Variants in ARHGAP15 observed in about 807,000 individuals in gnomAD.
The protein encoded by ARHGAP15 is Rho GTPase activating protein 15, also known as rho GTPase-activating protein 15.
Under a neutral mutation model 63.7 loss-of-function variants are expected in ARHGAP15, and 51 were observed. The ratio of observed to expected loss-of-function variants is 0.80; its 90% CI spans 0.64 to 1.01. The LOEUF (loss-of-function observed/expected upper bound fraction) is 1.01. Among genes scored for constraint, ARHGAP15 ranks in the 50% least tolerant of loss-of-function variants. ARHGAP15 has a pLI of 0.00. For missense variants in ARHGAP15, 560 were observed against 564.6 expected (o/e 0.99, Z 0.08); for synonymous variants, 191 against 193.8 (o/e 0.99, Z 0.12).
intron 6 of ARHGAP15, among the ~76,000 whole-genome samples, chr2:143,336,311 A>G (rs1684771933): frequency 2.0e-5 from 3 of 152,122 alleles, no homozygotes; most frequent in Non-Finnish European, 4.4e-5. Context: ...ATAAGGGGAG[A>G]GGCAGATGAG....
At chr2:143,475,908 T>A (rs886375360) in intron 8 of ARHGAP15, among the ~76,000 whole-genome samples, 1 of 152,226 alleles carries the variant, frequency 6.6e-6, no homozygotes, top group Non-Finnish European at 1.5e-5. Flanking sequence ...TATTTTCCTT[T>A]AAATTGCAAG....
intron 6 of ARHGAP15, among the ~76,000 whole-genome samples, chr2:143,424,698 T>C (rs1009811033): frequency 1.3e-5 from 2 of 152,156 alleles, no homozygotes; most frequent in African/African-American, 4.8e-5. Context: ...CATTATACCC[T>C]CAAGGAAAGT....
intron 11 of ARHGAP15, among the ~76,000 whole-genome samples, chr2:143,602,049 G>A (rs1697791255): frequency 6.6e-6 from 1 of 152,198 alleles, no homozygotes; most frequent in Non-Finnish European, 1.5e-5. Context: ...GCAAAAGTAT[G>A]TTATTATGAG....
In ARHGAP15 at chr2:143,346,162, A is replaced by ACACACACACACTCTCTCTCT. The variant is rs1399821631; in HGVS notation, c.475-89399_475-89380dup. Among the ~76,000 whole-genome samples, 114 of 110,800 alleles carry ACACACACACACTCTCTCTCT rather than the reference A, an allele frequency of 1.0e-3. 3 individuals carry two copies. The highest frequency in any genetic ancestry group is 1.7e-3 in the Non-Finnish European group (97 of 55,956). The allele number at this position is 110,800 out of a possible 152,430, so 72.7% of individuals were successfully genotyped here. ...ATGTCCTGTACAAATGAGCACACAC[A>ACACACACACACTCTCTCTCT]CACACACACACTCTCTCTCTCACAC... On this transcript the variant is annotated intron_variant, in intron 6 of 13. Transcript: ENST00000295095.
rs1687127165 is a variant in ARHGAP15 at position 143,383,083 on chromosome 2, CA to C, written c.475-52512del. Among the ~76,000 whole-genome samples the C allele has an allele frequency of 1.3e-5, 2 of 151,976 alleles. 1 individual carries two copies. Among genetic ancestry groups the C allele is most frequent in the South Asian group, 4.1e-4 (2 of 4,820 alleles). On this transcript the variant is annotated intron_variant, in intron 6 of 13. Coordinates refer to ENST00000295095, the MANE Select transcript of ARHGAP15 (RefSeq NM_018460.4). ...CGTGTGTCAAGGTTGCAGAGGATAC[CA>C]AAAAAGCTTATCAACCCTCAACTGT...
rs869099523 is a variant in ARHGAP15 at position 143,673,748 on chromosome 2, G to GTATATATA, written c.1139-29670_1139-29669insATATATAT. Among the ~76,000 whole-genome samples the GTATATATA allele has an allele frequency of 6.1e-3, 208 of 33,992 alleles. 3 individuals are homozygous for GTATATATA. The highest frequency in any genetic ancestry group is 0.029 in the Middle Eastern group (1 of 34). The allele number at this position is 33,992 out of a possible 152,430, so 22.3% of individuals were successfully genotyped here. Reference sequence around the variant, plus strand: ...TGTGTGTGTGTGTGTGTGTGTGTGTGTGTGTGTGTGTATATATATATATAT... The same window carrying GTATATATA: ...TGTGTGTGTGTGTGTGTGTGTGTGTGTATATATATGTGTGTGTGTATATATATATATAT... On this transcript the variant is annotated intron_variant, in intron 12 of 13. Coordinates refer to ENST00000295095, the MANE Select transcript of ARHGAP15 (RefSeq NM_018460.4).
At chr2:143,565,858 A>G (rs1007259046) in intron 11 of ARHGAP15, among the ~76,000 whole-genome samples, 1 of 152,100 alleles carries the variant, frequency 6.6e-6, no homozygotes, top group Non-Finnish European at 1.5e-5. Flanking sequence ...GCTCTTGCTA[A>G]CCCCCAGGCC....
At chr2:143,321,612 TGGA>T (rs1684028787) in intron 6 of ARHGAP15, among the ~76,000 whole-genome samples, 1 of 152,250 alleles carries the variant, frequency 6.6e-6, no homozygotes, top group African/African-American at 2.4e-5. Flanking sequence ...CTGCCAGACA[TGGA>T]GAAGGGCCTG....
chr2:143,537,204 T>A (rs1272037104), intron 10 of ARHGAP15, among the ~76,000 whole-genome samples: 1 of 152,156 alleles, frequency 6.6e-6, no homozygotes, highest in Non-Finnish European at 1.5e-5. Context: ...TCATATCCTT[T>A]GCCCACTTTT....
At chr2:143,393,242 C>T (rs190549677) in intron 6 of ARHGAP15, among the ~76,000 whole-genome samples, 1 of 152,080 alleles carries the variant, frequency 6.6e-6, no homozygotes, top group Admixed American at 6.5e-5. Flanking sequence ...ATTTTATAAT[C>T]CAGGGACTAT....
intron 2 of ARHGAP15, among the ~76,000 whole-genome samples, chr2:143,159,629 T>C (rs1690214719): frequency 6.6e-6 from 1 of 151,974 alleles, no homozygotes; most frequent in African/African-American, 2.4e-5. Context: ...GACTGTCAAC[T>C]CCATTTATAG....
intron 12 of ARHGAP15, among the ~76,000 whole-genome samples, chr2:143,628,132 A>G (rs1328161662): frequency 2.0e-5 from 3 of 152,054 alleles, no homozygotes; most frequent in Non-Finnish European, 4.4e-5. Flanking sequence ...CTCCAGCTGT[A>G]TCCATGTTGC....
At chr2:143,718,391 A>G (rs1255519636) in intron 13 of ARHGAP15, among the ~76,000 whole-genome samples, 1 of 152,224 alleles carries the variant, frequency 6.6e-6, no homozygotes, top group East Asian at 1.9e-4. Context: ...GGAAGTAGCT[A>G]CAAAACAGTA....
chr2:143,201,051 G>T (rs74735256), intron 2 of ARHGAP15, among the ~76,000 whole-genome samples: 2 of 152,028 alleles, frequency 1.3e-5, no homozygotes, highest in African/African-American at 2.4e-5. Context: ...CTTCTGGGAC[G>T]TTTGAAGTTT....
intron 12 of ARHGAP15, among the ~76,000 whole-genome samples, chr2:143,644,867 C>T (rs1196040084): frequency 1.3e-5 from 2 of 151,992 alleles, no homozygotes; most frequent in African/African-American, 4.8e-5. Context: ...CACTTTATAG[C>T]ACATACTTTT....
At chr2:143,640,113 T>C (rs2105270716) in intron 12 of ARHGAP15, among the ~76,000 whole-genome samples, 1 of 152,254 alleles carries the variant, frequency 6.6e-6, no homozygotes, top group South Asian at 2.1e-4. Flanking sequence ...TATCGTTTTA[T>C]GTCTGTTTAT....
At chr2:143,553,300 T>A (rs768911556) in intron 10 of ARHGAP15, among the ~76,000 whole-genome samples, 4 of 152,190 alleles carry the variant, frequency 2.6e-5, no homozygotes, top group Non-Finnish European at 4.4e-5. Flanking sequence ...TTAAAAAGTA[T>A]GATAGCCGGA....
chr2:143,472,366 C>A (rs1001884355), intron 8 of ARHGAP15, among the ~76,000 whole-genome samples: 1 of 152,076 alleles, frequency 6.6e-6, no homozygotes, highest in Non-Finnish European at 1.5e-5. Flanking sequence ...ACATTTATTG[C>A]TATCAAGTTG....
chr2:143,642,328 G>A (rs1680644446), intron 12 of ARHGAP15, among the ~76,000 whole-genome samples: 1 of 151,916 alleles, frequency 6.6e-6, no homozygotes, highest in African/African-American at 2.4e-5. Flanking sequence ...GTTGTTTGAA[G>A]GCTTCTCAAA....
Sources: allele counts gnomAD v4.1 joint callset (sites outside exome capture counted in the v4.1 genomes callset), GRCh38; gene constraint gnomAD v4.1.1; transcripts MANE v1.5; gene names NCBI Gene and HGNC (gene_info 2026-07-23, HGNC 2026-07-21).